The following AOAH variants were observed in gnomAD, a reference collection of about 807,000 sequenced individuals.
AOAH encodes acyloxyacyl hydrolase.
AOAH carries 64 observed loss-of-function variants against 92.2 expected under a neutral mutation model. The ratio of observed to expected loss-of-function variants is 0.69; its 90% CI spans 0.57 to 0.86. The LOEUF (loss-of-function observed/expected upper bound fraction) is 0.86, where lower values mean the gene tolerates loss of function less well. Among genes scored for constraint, AOAH ranks in the 40% least tolerant of loss-of-function variants. The probability of loss-of-function intolerance (pLI) is 0.00; values close to 1 mark genes in which losing one functional copy is unlikely to be tolerated. For synonymous variants in AOAH, 263 were observed against 254.5 expected, an observed-to-expected ratio of 1.03 and a Z score of -0.32; for missense variants, 656 against 694.6, an observed-to-expected ratio of 0.94 and a Z score of 0.62.
chr7:36,555,325 G>A (rs913852540), intron 13 of AOAH, among the ~76,000 whole-genome samples: 3 of 152,174 alleles, frequency 2.0e-5, no homozygotes, highest in African/African-American at 7.2e-5. Context: ...TTGCATCCCA[G>A]GGATGAAGCC....
At chr7:36,650,460 G>A (rs1329882071) in intron 4 of AOAH, among the ~76,000 whole-genome samples, 1 of 152,174 alleles carries the variant, frequency 6.6e-6, no homozygotes, top group Non-Finnish European at 1.5e-5. Context: ...TGAGAAGCAA[G>A]AGAAGGGACA....
intron 15 of AOAH, among the ~76,000 whole-genome samples, chr7:36,543,947 C>CT (rs1219471100): frequency 1.2e-4 from 11 of 91,034 alleles, no homozygotes; most frequent in African/African-American, 3.5e-4. Context: ...TTCTTTCTTT[C>CT]TTTTTTTTTT....
chr7:36,678,582 TGTGTGTGTGTGTGTGTGTGCGCGCGC>T (rs1187155137), intron 2 of AOAH, among the ~76,000 whole-genome samples: 11 of 108,146 alleles, frequency 1.0e-4, no homozygotes, highest in Middle Eastern at 4.9e-3. Context: ...TGTGTGTGTG[TGTGTGTGTGTGTGTGTGTGCGCGCGC>T]GCGCGCGTTA....
intron 2 of AOAH, among the ~76,000 whole-genome samples, chr7:36,681,845 C>T (rs998173299): frequency 7.2e-5 from 11 of 152,170 alleles, no homozygotes; most frequent in African/African-American, 2.4e-4. Flanking sequence ...AATAGCAAGA[C>T]CGAAAACCCT....
At chr7:36,707,835 T>TCTTTTCTTTA (rs1798521956) in intron 1 of AOAH, among the ~76,000 whole-genome samples, 1 of 19,360 alleles carries the variant, frequency 5.2e-5, no homozygotes, top group Non-Finnish European at 9.7e-5. Flanking sequence ...CTAATGTTTT[T>TCTTTTCTTTA]CTTTTCTTTT....
At chr7:36,515,511 C>CCAAACACCTCACA (rs1783594408) in intron 20 of AOAH, among the ~76,000 whole-genome samples, 1 of 58,304 alleles carries the variant, frequency 1.7e-5, no homozygotes, top group Non-Finnish European at 2.9e-5. Flanking sequence ...AAACACACCC[C>CCAAACACCTCACA]CAAACACCAC....
rs866303470 is a variant in AOAH at position 36,540,437 on chromosome 7, G to T, written c.1188C>A (p.Val396=). Reference sequence around the variant, plus strand: ...AATTTAGATGCTTCAGAGTCTGCATGACGTTGGAGTAGAGTTTCTCAGGAG... The same window carrying T: ...AATTTAGATGCTTCAGAGTCTGCATTACGTTGGAGTAGAGTTTCTCAGGAG... ...MTTPEKLYSN[V]MQTLKHLNSH... The change falls in exon 16 of 21, where the codon GTC becomes GTA. Residue 396 remains valine (V), a synonymous_variant. Transcript: ENST00000617537. 1 of 1,614,078 alleles carries T rather than the reference G, an allele frequency of 6.2e-7. No individual in the cohort carries two copies. The highest frequency in any genetic ancestry group is 1.3e-5 in the African/African-American group (1 of 75,056).
rs561525160 is a variant in AOAH, at chr7:36,621,697, C to T, written c.653+13G>A. On this transcript the variant is annotated intron_variant, in intron 8 of 20. Transcript: ENST00000617537. ...GATAATTTTAAAAATCAGCAACCAG[C>T]AGAAATAGTTACCTTCTACCTGGGT... The T allele has an allele frequency of 1.2e-6, 2 of 1,613,548 alleles. No individual in the cohort carries two copies. The highest frequency in any genetic ancestry group is 2.7e-5 in the African/African-American group (2 of 75,024).
At chr7:36,559,150 G>T (rs1490455145) in intron 13 of AOAH, among the ~76,000 whole-genome samples, 1 of 152,208 alleles carries the variant, frequency 6.6e-6, no homozygotes, top group Non-Finnish European at 1.5e-5. Flanking sequence ...TCAATCCACT[G>T]TTATGGGCAT....
At chr7:36,604,061 T>C (rs1790801661) in intron 11 of AOAH, among the ~76,000 whole-genome samples, 1 of 152,194 alleles carries the variant, frequency 6.6e-6, no homozygotes, top group African/African-American at 2.4e-5. Flanking sequence ...GCTTCGTAAA[T>C]GGTGCCTTGT....
At chr7:36,563,567 A>G (rs900634015) in intron 13 of AOAH, among the ~76,000 whole-genome samples, 1 of 152,120 alleles carries the variant, frequency 6.6e-6, no homozygotes, top group African/African-American at 2.4e-5. Flanking sequence ...TCAGTGGGAG[A>G]GACAGGGTGG....
At chr7:36,553,845 G>A (rs1183571516) in intron 13 of AOAH, among the ~76,000 whole-genome samples, 2 of 152,100 alleles carry the variant, frequency 1.3e-5, no homozygotes, top group Non-Finnish European at 2.9e-5. Context: ...GTTTTTTCTT[G>A]TAAATTTGTT....
At chr7:36,567,869 G>A (rs548019860) in intron 13 of AOAH, among the ~76,000 whole-genome samples, 2 of 152,338 alleles carry the variant, frequency 1.3e-5, no homozygotes, top group Non-Finnish European at 2.9e-5. Context: ...TCTCCCAGAG[G>A]CGGCATCTCT....
chr7:36,537,782 C>G (rs1268695007), intron 16 of AOAH, among the ~76,000 whole-genome samples: 1 of 151,758 alleles, frequency 6.6e-6, no homozygotes, highest in African/African-American at 2.4e-5. Context: ...CTTGGCCTCC[C>G]AAAGTGCTGA....
At chr7:36,574,212 T>G (rs1788332582) in intron 13 of AOAH, among the ~76,000 whole-genome samples, 1 of 152,216 alleles carries the variant, frequency 6.6e-6, no homozygotes, top group Non-Finnish European at 1.5e-5. Flanking sequence ...AGTATACATT[T>G]TATGCATTTC....
Position 36,570,246 on chromosome 7 carries a change from T to TA in AOAH, c.1021+6327dup, listed in dbSNP as rs527718604. ...AGTTTGACTACTTAGATGGCTCATG[T>TA]AAGTGGAATCCGGCAGTATTCGTCC... On this transcript the variant is annotated intron_variant, in intron 13 of 20. Coordinates refer to ENST00000617537, the MANE Select transcript of AOAH (RefSeq NM_001637.4). 2.5e-3 allele frequency among the ~76,000 whole-genome samples: 373 copies of TA among 151,344 alleles called. 4 individuals carry two copies. Among genetic ancestry groups the TA allele is most frequent in the Non-Finnish European group, 3.8e-3 (255 of 67,762 alleles).
chr7:36,547,476 A>G (rs1370972340), intron 15 of AOAH, among the ~76,000 whole-genome samples: 1 of 152,254 alleles, frequency 6.6e-6, no homozygotes, highest in Admixed American at 6.5e-5. Context: ...TATGAAATAC[A>G]GGAAAGCAAA....
At chr7:36,663,608 G>A (rs1795350399) in intron 3 of AOAH, among the ~76,000 whole-genome samples, 1 of 152,176 alleles carries the variant, frequency 6.6e-6, no homozygotes, top group East Asian at 1.9e-4. Context: ...TTAGTAACAC[G>A]CATTTAAGTT....
At chr7:36,632,132 G>A in intron 5 of AOAH, 26 bp from the exon 6 acceptor site, 1 of 1,582,896 alleles carries the variant, frequency 6.3e-7, no homozygotes, top group Non-Finnish European at 8.6e-7. Flanking sequence ...AAAACAAAAA[G>A]AGAGTTGTTT....
Sources: gnomAD v4.1 joint callset for allele counts (sites outside exome capture counted in the v4.1 genomes callset) on GRCh38, gnomAD v4.1.1 for gene constraint, MANE v1.5 for transcripts, NCBI Gene and HGNC (gene_info 2026-07-23, HGNC 2026-07-21) for gene names.